Variants in RAD51B observed in about 807,000 individuals in gnomAD.
The protein encoded by RAD51B is DNA repair protein RAD51 homolog 2.
Under a neutral mutation model 42.2 loss-of-function variants are expected in RAD51B, and 38 were observed. That is an observed-to-expected ratio of 0.90 (90% CI 0.70 to 1.18). RAD51B has a LOEUF of 1.18. Ranked by LOEUF, RAD51B falls within the 50% of genes most tolerant of loss-of-function variation. The pLI is 0.00. For synonymous variants in RAD51B, 154 were observed against 145.2 expected (o/e 1.06, Z -0.43); for missense variants, 373 against 400.7 (o/e 0.93, Z 0.59).
At chr14:68,540,166 C>CTTTTTTTTT (rs11321834) in intron 10 of RAD51B, 14 of 587,356 alleles carry the variant, frequency 2.4e-5, no homozygotes, top group Non-Finnish European at 2.8e-5. Context: ...TACCCTGCTC[C>CTTTTTTTTT]TTTTTTTTTT....
intron 7 of RAD51B, among the ~76,000 whole-genome samples, chr14:67,922,900 A>G (rs974412754): frequency 2.0e-5 from 3 of 152,100 alleles, no homozygotes; most frequent in African/African-American, 7.2e-5. Flanking sequence ...CCATGTTGGC[A>G]GGCTGGTCTC....
At chr14:68,463,456 CAT>C (rs1339682319) in intron 9 of RAD51B, among the ~76,000 whole-genome samples, 3 of 152,046 alleles carry the variant, frequency 2.0e-5, no homozygotes, top group Admixed American at 6.6e-5. Context: ...TTAGAAAACT[CAT>C]AGTGAAAGCA....
chr14:68,676,585 G>T (rs971462239), intron 11 of RAD51B, among the ~76,000 whole-genome samples: 1 of 152,228 alleles, frequency 6.6e-6, no homozygotes, highest in African/African-American at 2.4e-5. Context: ...CAAGAGAGTG[G>T]AATTTGCATC....
chr14:68,681,274 G>A (rs1393320825), intron 11 of RAD51B, among the ~76,000 whole-genome samples: 1 of 152,200 alleles, frequency 6.6e-6, no homozygotes, highest in Non-Finnish European at 1.5e-5. Flanking sequence ...AGAGGGTTTG[G>A]AGTGTCTACT....
intron 3 of RAD51B, among the ~76,000 whole-genome samples, chr14:67,831,441 C>A (rs1024295027): frequency 1.2e-4 from 18 of 152,200 alleles, no homozygotes; most frequent in South Asian, 8.3e-4. Flanking sequence ...AAGCAGCCAC[C>A]GAAGTAGAAG....
At chr14:68,562,430 A>T (rs1396449660) in intron 10 of RAD51B, 1 of 982,664 alleles carries the variant, frequency 1.0e-6, no homozygotes, top group African/African-American at 1.8e-5. Context: ...CCCCCAGTCA[A>T]CCCTGCCTTT....
At chr14:68,000,106 T>C (rs1182958184) in intron 7 of RAD51B, among the ~76,000 whole-genome samples, 1 of 152,184 alleles carries the variant, frequency 6.6e-6, no homozygotes, top group African/African-American at 2.4e-5. Flanking sequence ...GTATACTTCC[T>C]TAGGCCATTC....
intron 8 of RAD51B, among the ~76,000 whole-genome samples, chr14:68,335,011 T>C (rs980188350): frequency 3.4e-5 from 5 of 149,152 alleles, no homozygotes; most frequent in East Asian, 1.9e-4. Context: ...ATAGAAAATA[T>C]GTTGGCTGGG....
downstream of RAD51B, chr14:68,478,234 A>G (rs1882877103): frequency 1.5e-5 from 14 of 951,580 alleles, no homozygotes; most frequent in Non-Finnish European, 1.8e-5. Context: ...ATGGGCTCAG[A>G]ATTCACTGAC....
intron 7 of RAD51B, among the ~76,000 whole-genome samples, chr14:67,908,134 T>C (rs2043840082): frequency 6.6e-6 from 1 of 152,180 alleles, no homozygotes; most frequent in African/African-American, 2.4e-5. Flanking sequence ...GTTGTCAACT[T>C]TGAGGATACA....
intron 10 of RAD51B, among the ~76,000 whole-genome samples, chr14:68,493,635 C>T (rs1884258852): frequency 6.6e-6 from 1 of 152,220 alleles, no homozygotes; most frequent in South Asian, 2.1e-4. Flanking sequence ...GGGGACAAAA[C>T]AACCTAATGT....
chr14:68,094,919 C>G (rs1195160030), intron 7 of RAD51B, among the ~76,000 whole-genome samples: 1 of 152,160 alleles, frequency 6.6e-6, no homozygotes, highest in Admixed American at 6.5e-5. Flanking sequence ...TTGTGATACA[C>G]AGGAATTTAT....
intron 10 of RAD51B, among the ~76,000 whole-genome samples, chr14:68,609,292 C>G (rs1014066796): frequency 6.6e-6 from 1 of 152,168 alleles, no homozygotes; most frequent in Non-Finnish European, 1.5e-5. Flanking sequence ...GAGTCTGGCT[C>G]TCCCCTGAGG....
exon 11 of RAD51B, chr14:68,594,869 C>T (rs1890924312): frequency 4.3e-6 from 5 of 1,150,460 alleles, no homozygotes; most frequent in South Asian, 2.6e-5. Flanking sequence ...GGCACACAGC[C>T]CATGCCCTCC....
chr14:67,895,236 T>A (rs1332003506), intron 7 of RAD51B, among the ~76,000 whole-genome samples: 2 of 152,246 alleles, frequency 1.3e-5, no homozygotes, highest in African/African-American at 4.8e-5. Context: ...TTACGTATGT[T>A]ACACAGTACC....
chr14:67,936,317 T>C (rs1007065028), intron 7 of RAD51B, among the ~76,000 whole-genome samples: 5 of 152,218 alleles, frequency 3.3e-5, no homozygotes, highest in East Asian at 1.9e-4. Context: ...TTGCCTGTTA[T>C]GGACATTTCA....
chr14:68,434,735 G>T (rs1444781059), intron 9 of RAD51B, among the ~76,000 whole-genome samples: 1 of 152,144 alleles, frequency 6.6e-6, no homozygotes, highest in Admixed American at 6.5e-5. Context: ...ATGCTCGGTG[G>T]GCTGCACCCA....
intron 11 of RAD51B, among the ~76,000 whole-genome samples, chr14:68,663,250 T>C (rs1892969375): frequency 6.6e-6 from 1 of 151,906 alleles, no homozygotes; most frequent in South Asian, 2.1e-4. Context: ...TTGCAGTGAG[T>C]TGAGATCTAG....
intron 7 of RAD51B, among the ~76,000 whole-genome samples, chr14:67,975,187 A>G (rs915681300): frequency 1.3e-5 from 2 of 152,204 alleles, no homozygotes; most frequent in African/African-American, 2.4e-5. Flanking sequence ...GATAAATATT[A>G]TTGAATGGTG....
Sources: gnomAD v4.1 joint callset for allele counts (sites outside exome capture counted in the v4.1 genomes callset) on GRCh38, gnomAD v4.1.1 for gene constraint, MANE v1.5 for transcripts, NCBI Gene and HGNC (gene_info 2026-07-23, HGNC 2026-07-21) for gene names.